The following LHFPL3 variants were observed in gnomAD, a reference collection of about 807,000 sequenced individuals.
LHFPL3 encodes LHFPL tetraspan subfamily member 3.
LHFPL3 carries 5 observed loss-of-function variants against 19.3 expected under a neutral mutation model. The ratio of observed to expected loss-of-function variants is 0.26; its 90% CI spans 0.14 to 0.54. LHFPL3 has a LOEUF of 0.54. LHFPL3 is among the 20% of genes least tolerant of loss of function. The probability of loss-of-function intolerance (pLI) is 0.94; values close to 1 mark genes in which losing one functional copy is unlikely to be tolerated. For synonymous variants in LHFPL3, 133 were observed against 126.2 expected (o/e 1.05, Z -0.36); for missense variants, 249 against 307.4 (o/e 0.81, Z 1.42).
In LHFPL3 at chr7:104,857,236, C is replaced by A. The variant is rs1005451637; in HGVS notation, c.683-48951C>A. On this transcript the variant is annotated intron_variant, in intron 2 of 2. Transcript: ENST00000424859. ...AACGAAGGCTTTTTATTCACCGCTA[C>A]CACGGCAGTTTTCCTTTCCATAATA... 7.3e-5 allele frequency among the ~76,000 whole-genome samples: 10 copies of A among 137,512 alleles called. No homozygotes were observed. The Admixed American group carries it at 7.8e-4, about 11-fold the overall frequency. The allele number at this position is 137,512 out of a possible 152,430, so 90.2% of individuals were successfully genotyped here. A position where few individuals can be genotyped will look rare whatever the true frequency, so the allele number is the denominator to read the frequency against.
At chr7:104,455,446 C>T (rs944316403) in intron 1 of LHFPL3, among the ~76,000 whole-genome samples, 1 of 152,124 alleles carries the variant, frequency 6.6e-6, no homozygotes, top group Non-Finnish European at 1.5e-5. Flanking sequence ...CCTGGCTAGG[C>T]GTGGCAGCTC....
intron 1 of LHFPL3, among the ~76,000 whole-genome samples, chr7:104,406,771 T>C (rs1436140435): frequency 6.6e-6 from 1 of 152,242 alleles, no homozygotes; most frequent in East Asian, 1.9e-4. Context: ...TGATCTCTTC[T>C]TGGGGCCAAA....
intron 1 of LHFPL3, among the ~76,000 whole-genome samples, chr7:104,526,879 C>G (rs1049522789): frequency 6.6e-6 from 1 of 152,094 alleles, no homozygotes; most frequent in Non-Finnish European, 1.5e-5. Flanking sequence ...AAGTCCCTGC[C>G]CATATGGTGC....
intron 2 of LHFPL3, among the ~76,000 whole-genome samples, chr7:104,828,400 G>A (rs546019355): frequency 3.3e-5 from 5 of 152,098 alleles, no homozygotes; most frequent in Non-Finnish European, 7.4e-5. Context: ...AGGATGGAAA[G>A]GAGAGAACTC....
chr7:104,792,582 C>T (rs982747889), intron 2 of LHFPL3, among the ~76,000 whole-genome samples: 1 of 152,214 alleles, frequency 6.6e-6, no homozygotes, highest in African/African-American at 2.4e-5. Flanking sequence ...AGAGCTCCCA[C>T]AAGCACTTTG....
intron 2 of LHFPL3, among the ~76,000 whole-genome samples, chr7:104,891,204 TTC>T (rs1792235884): frequency 6.6e-6 from 1 of 151,968 alleles, no homozygotes; most frequent in Non-Finnish European, 1.5e-5. Flanking sequence ...TTTGTTTGAA[TTC>T]TCTTTTTCAG....
At chr7:104,627,959 C>T (rs2115834129) in intron 1 of LHFPL3, among the ~76,000 whole-genome samples, 1 of 152,296 alleles carries the variant, frequency 6.6e-6, no homozygotes, top group South Asian at 2.1e-4. Flanking sequence ...TGCAATAAAG[C>T]AAATCAGAAA....
chr7:104,579,371 ACCCAATATTTAGCTCC>A (rs1371562379), intron 1 of LHFPL3, among the ~76,000 whole-genome samples: 1 of 152,060 alleles, frequency 6.6e-6, no homozygotes, highest in Non-Finnish European at 1.5e-5. Context: ...GTCCAGGGGC[ACCCAATATTTAGCTCC>A]CACTGACAAG....
rs1790014141 is a variant in LHFPL3, at chr7:104,561,977, A to G, written c.446-174698A>G. ...GGCTGGATATGAAATTCTGGGTTGAAAATTCTTTTCTTTAAGAATGTTGAC... is the reference window on the plus strand; with the variant it reads ...GGCTGGATATGAAATTCTGGGTTGAGAATTCTTTTCTTTAAGAATGTTGAC... On this transcript the variant is annotated intron_variant, in intron 1 of 2. Coordinates refer to ENST00000424859, the MANE Select transcript of LHFPL3 (RefSeq NM_199000.3). Among the ~76,000 whole-genome samples the G allele has an allele frequency of 2.0e-5, 3 of 152,162 alleles. No individual in the cohort carries two copies. The South Asian group carries it at 6.2e-4, about 32-fold the overall frequency.
At chr7:104,352,759 T>G (rs577535243) in intron 1 of LHFPL3, among the ~76,000 whole-genome samples, 1 of 152,346 alleles carries the variant, frequency 6.6e-6, no homozygotes, top group African/African-American at 2.4e-5. Context: ...CACTTTTCTT[T>G]CAGTGGAGGA....
chr7:104,891,840 G>C (rs1792251509), intron 2 of LHFPL3, among the ~76,000 whole-genome samples: 1 of 152,216 alleles, frequency 6.6e-6, no homozygotes, highest in Non-Finnish European at 1.5e-5. Flanking sequence ...AAGAGATATG[G>C]TGTAGACAGG....
chr7:104,382,478 C>G (rs1475984191), intron 1 of LHFPL3, among the ~76,000 whole-genome samples: 3 of 152,182 alleles, frequency 2.0e-5, no homozygotes, highest in Non-Finnish European at 4.4e-5. Flanking sequence ...AACCACTGGT[C>G]TGGTTACCCT....
intron 1 of LHFPL3, among the ~76,000 whole-genome samples, chr7:104,590,818 T>G (rs1057085867): frequency 2.6e-5 from 4 of 152,214 alleles, no homozygotes; most frequent in African/African-American, 9.6e-5. Flanking sequence ...GCCTATATAT[T>G]TAGGATAGTT....
intron 1 of LHFPL3, among the ~76,000 whole-genome samples, chr7:104,596,391 C>G (rs1307481511): frequency 6.6e-6 from 1 of 152,204 alleles, no homozygotes; most frequent in Non-Finnish European, 1.5e-5. Flanking sequence ...GCAATATCTT[C>G]TTGAAATATT....
At chr7:104,685,453 C>G (rs1356283781) in intron 1 of LHFPL3, among the ~76,000 whole-genome samples, 4 of 152,194 alleles carry the variant, frequency 2.6e-5, no homozygotes, top group African/African-American at 4.8e-5. Flanking sequence ...CACACACACA[C>G]AGACACACAC....
intron 2 of LHFPL3, among the ~76,000 whole-genome samples, chr7:104,776,890 T>C (rs868525726): frequency 6.6e-6 from 1 of 152,200 alleles, no homozygotes; most frequent in Non-Finnish European, 1.5e-5. Context: ...TACTTGTGGC[T>C]GAAAACCCTT....
intron 1 of LHFPL3, among the ~76,000 whole-genome samples, chr7:104,433,930 TA>T (rs1217267426): frequency 1.3e-5 from 2 of 152,230 alleles, no homozygotes; most frequent in South Asian, 4.1e-4. Flanking sequence ...AATCAATGGA[TA>T]AAAATACATG....
intron 1 of LHFPL3, among the ~76,000 whole-genome samples, chr7:104,712,246 A>G (rs1259309727): frequency 2.6e-5 from 4 of 152,218 alleles, no homozygotes; most frequent in Admixed American, 2.6e-4. Flanking sequence ...AGTGCCATGG[A>G]CTGGGTGGCT....
At chr7:104,896,910 A>AC (rs1172281438) in intron 2 of LHFPL3, among the ~76,000 whole-genome samples, 2 of 151,450 alleles carry the variant, frequency 1.3e-5, no homozygotes, top group East Asian at 3.9e-4. Flanking sequence ...ACATGATGAA[A>AC]CCCCATCTCT....
Sources: gnomAD v4.1 joint callset for allele counts (sites outside exome capture counted in the v4.1 genomes callset) on GRCh38, gnomAD v4.1.1 for gene constraint, MANE v1.5 for transcripts, NCBI Gene and HGNC (gene_info 2026-07-23, HGNC 2026-07-21) for gene names.